The following FAM120B variants were observed in gnomAD, a reference collection of about 807,000 sequenced individuals.
FAM120B encodes the protein family with sequence similarity 120 member B, also known as constitutive coactivator of peroxisome proliferator-activated receptor gamma.
In FAM120B, 83 loss-of-function variants were observed where a neutral mutation model predicts 96.3. The observed-to-expected ratio is 0.86, with a 90% CI of 0.72 to 1.03. The LOEUF (loss-of-function observed/expected upper bound fraction) is 1.03, where lower values mean the gene tolerates loss of function less well. FAM120B is among the 50% of genes least tolerant of loss of function. FAM120B has a pLI of 0.00. For missense variants in FAM120B, 1,027 were observed against 1,121.2 expected (o/e 0.92, Z 1.20); for synonymous variants, 407 against 402.7 (o/e 1.01, Z -0.13).
chr6:170,296,175 G>A (rs766832782), intron 1 of FAM120B, among the ~76,000 whole-genome samples: 1 of 152,062 alleles, frequency 6.6e-6, no homozygotes, highest in African/African-American at 2.4e-5. Context: ...CTGCCCCTCC[G>A]AACTTTGTGC....
At chr6:170,314,961 A>G (rs1486973738) in intron 1 of FAM120B, among the ~76,000 whole-genome samples, 1 of 152,260 alleles carries the variant, frequency 6.6e-6, no homozygotes, top group African/African-American at 2.4e-5. Context: ...CAGTCCAACC[A>G]GCAACTCTGG....
At chr6:170,371,864 C>T (rs1789216657) in intron 6 of FAM120B, among the ~76,000 whole-genome samples, 1 of 152,178 alleles carries the variant, frequency 6.6e-6, no homozygotes, top group Non-Finnish European at 1.5e-5. Flanking sequence ...CACCCTCAGG[C>T]TTGGAGCAGA....
In FAM120B at chr6:170,318,392, C is replaced by T. The variant is rs142468492; in HGVS notation, c.1002C>T (p.Asp334=). 212 of 1,613,950 alleles carry T rather than the reference C, an allele frequency of 1.3e-4. No individual in the cohort carries two copies. Among genetic ancestry groups the T allele is most frequent in the African/African-American group, 1.2e-3 (92 of 74,922 alleles). ...LDKQVISTSS[D]AESREEVPMC... ...AACAAGTAATATCCACGAGTTCAGA[C>T]GCCGAATCCAGGGAAGAAGTTCCCA... The change falls in exon 2 of 11, where the codon GAC becomes GAT. Residue 334 remains aspartate (D), a synonymous_variant. Coordinates refer to ENST00000476287, the MANE Select transcript of FAM120B (RefSeq NM_032448.3).
In FAM120B at chr6:170,361,219, TATATATATATATATATAC is replaced by T. The variant is rs1156943512; in HGVS notation, c.2283+2903_2283+2920del. ...ACGTGTATATATATATATATATATA[TATATATATATATATATAC>T]ACGTATATATATATATACGTGTATA... On this transcript the variant is annotated intron_variant, in intron 6 of 10. Coordinates refer to ENST00000476287, the MANE Select transcript of FAM120B (RefSeq NM_032448.3). 4.2e-3 allele frequency among the ~76,000 whole-genome samples: 486 copies of T among 116,278 alleles called. 14 individuals are homozygous for T. Among genetic ancestry groups the T allele is most frequent in the East Asian group, 8.5e-3 (16 of 1,876 alleles). 76.3% of individuals were successfully genotyped at this position (116,278 alleles called of 152,430 possible). A position where few individuals can be genotyped will look rare whatever the true frequency, so the allele number is the denominator to read the frequency against.
chr6:170,334,672 A>T (rs370613095), intron 4 of FAM120B, among the ~76,000 whole-genome samples: 18 of 152,180 alleles, frequency 1.2e-4, no homozygotes, highest in South Asian at 6.2e-4. Flanking sequence ...ACCATTGCAG[A>T]TCAACATAAA....
chr6:170,375,577 TAAAG>T (rs529282102), intron 6 of FAM120B, among the ~76,000 whole-genome samples: 143 of 152,346 alleles, frequency 9.4e-4, no homozygotes, highest in African/African-American at 3.1e-3. Flanking sequence ...CCCCAGTTGA[TAAAG>T]AATCAGTATA....
chr6:170,293,915 G>C (rs1783941368), upstream of FAM120B, among the ~76,000 whole-genome samples: 1 of 152,138 alleles, frequency 6.6e-6, no homozygotes, highest in Non-Finnish European at 1.5e-5. Context: ...GGAGAGACTC[G>C]AGGTCCAACT....
chr6:170,340,154 A>G (rs1332141718), intron 4 of FAM120B, among the ~76,000 whole-genome samples: 1 of 152,118 alleles, frequency 6.6e-6, no homozygotes. Flanking sequence ...GTCTTTTCAC[A>G]TAGTCCCATA....
At chr6:170,346,842 G>C (rs917001731) in intron 4 of FAM120B, among the ~76,000 whole-genome samples, 1 of 152,108 alleles carries the variant, frequency 6.6e-6, no homozygotes, top group Non-Finnish European at 1.5e-5. Context: ...TTTCCTGAAA[G>C]TATGTTTCTA....
At chr6:170,388,194 G>C in intron 6 of FAM120B, 93 bp from the exon 7 acceptor site, 1 of 1,077,226 alleles carries the variant, frequency 9.3e-7, no homozygotes, top group Non-Finnish European at 1.4e-6. Context: ...GTGAGCATCC[G>C]TTCTGAGCAG....
upstream of FAM120B, chr6:170,290,904 C>G (rs879934456): frequency 1.2e-5 from 8 of 693,844 alleles, no homozygotes; most frequent in South Asian, 6.0e-5. The surrounding 1 kb of genome is among the most constrained non-coding windows in gnomAD (Gnocchi z 4.7). Context: ...CGGGTCGGGT[C>G]TCCGCGGGTG....
intron 6 of FAM120B, among the ~76,000 whole-genome samples, chr6:170,371,962 G>T (rs1300887748): frequency 3.3e-5 from 5 of 152,200 alleles, no homozygotes; most frequent in Admixed American, 2.6e-4. Context: ...CGTTTTCCCT[G>T]TGTTAAGTGA....
chr6:170,361,220 A>ATATATACACGTATATATATATATATGTG (rs1554286430), intron 6 of FAM120B, among the ~76,000 whole-genome samples: 1 of 110,022 alleles, frequency 9.1e-6, no homozygotes, highest in African/African-American at 4.1e-5. Flanking sequence ...ATATATATAT[A>ATATATACACGTATATATATATATATGTG]TATATATATA....
At chr6:170,392,198 TG>T (rs1445360552) in intron 8 of FAM120B, among the ~76,000 whole-genome samples, 1 of 152,080 alleles carries the variant, frequency 6.6e-6, no homozygotes, top group Non-Finnish European at 1.5e-5. Flanking sequence ...TCTAAAAGTC[TG>T]GGGGTTTTTT....
chr6:170,352,747 CA>C, intron 5 of FAM120B, among the ~76,000 whole-genome samples: 1 of 152,190 alleles, frequency 6.6e-6, no homozygotes, highest in South Asian at 2.1e-4. Flanking sequence ...GCAGCTAAAG[CA>C]ATGTTAAGAG....
chr6:170,402,217 G>A (rs749590695), intron 9 of FAM120B, among the ~76,000 whole-genome samples: 5 of 152,252 alleles, frequency 3.3e-5, no homozygotes, highest in Non-Finnish European at 7.3e-5. Context: ...TTTGCTTCCT[G>A]TAGATTCCCG....
At chr6:170,392,417 A>C (rs956618135) in intron 8 of FAM120B, among the ~76,000 whole-genome samples, 5 of 152,230 alleles carry the variant, frequency 3.3e-5, no homozygotes, top group African/African-American at 4.8e-5. Flanking sequence ...CATGTTGGCC[A>C]GGATTGTCTC....
Position 170,383,481 on chromosome 6 carries a change from A to G in FAM120B, c.2284-4806A>G, listed in dbSNP as rs189280413. 1.2e-3 allele frequency among the ~76,000 whole-genome samples: 187 copies of G among 152,346 alleles called. 1 individual carries two copies. The highest frequency in any genetic ancestry group is 4.2e-3 in the African/African-American group (176 of 41,580). ...TCAACATTAAAAACAATCCAGTTAG[A>G]AAGTAGGCCAAAGATAGACATTTTA... On this transcript the variant is annotated intron_variant, in intron 6 of 10. Transcript: ENST00000476287.
intron 6 of FAM120B, among the ~76,000 whole-genome samples, chr6:170,361,584 G>A (rs1562567806): frequency 6.6e-6 from 1 of 152,032 alleles, no homozygotes; most frequent in Admixed American, 6.6e-5. Flanking sequence ...TCCCTTTGTA[G>A]TTAGGTCTCT....
Sources: allele counts gnomAD v4.1 joint callset (sites outside exome capture counted in the v4.1 genomes callset), GRCh38; gene constraint gnomAD v4.1.1; non-coding constraint Gnocchi (gnomAD v3.1); transcripts MANE v1.5; gene names NCBI Gene and HGNC (gene_info 2026-07-23, HGNC 2026-07-21).